Variants in MAF observed in about 807,000 individuals in gnomAD.
The protein encoded by MAF is MAF bZIP transcription factor.
A neutral mutation model predicts 22.0 loss-of-function variants in MAF; 10 were observed. The ratio of observed to expected loss-of-function variants is 0.45; its 90% CI spans 0.28 to 0.77. MAF has a LOEUF of 0.77. MAF is among the 30% of genes least tolerant of loss of function. The pLI is 0.12. For synonymous variants in MAF, 337 were observed against 255.8 expected (o/e 1.32, Z -3.03); for missense variants, 544 against 548.4 (o/e 0.99, Z 0.08).
chr16:79,585,117 A>G (rs4597340), downstream of MAF, among the ~76,000 whole-genome samples: 5,831 of 152,286 alleles, frequency 0.038, 357 homozygotes, highest in African/African-American at 0.13. Context: ...AATACATAAA[A>G]CTATCACACT....
chr16:79,590,708 G>C (rs1364819211), downstream of MAF, among the ~76,000 whole-genome samples: 2 of 151,990 alleles, frequency 1.3e-5, no homozygotes, highest in East Asian at 1.9e-4. Context: ...GAGGTTTTGG[G>C]GGGACTCTGA....
the MAF span, among the ~76,000 whole-genome samples, chr16:79,443,823 T>C: frequency 6.6e-6 from 1 of 152,194 alleles, no homozygotes; most frequent in Non-Finnish European, 1.5e-5. Context: ...CTCACAGGGT[T>C]GCTTGGAGGA....
At chr16:79,212,049 T>A in the MAF span, 4 of 1,536,266 alleles carry the variant, frequency 2.6e-6, no homozygotes, top group South Asian at 4.8e-5. Flanking sequence ...TGTTTGAAAG[T>A]AAAAACCTGC....
rs982723238 is a variant in MAF at position 79,599,187 on chromosome 16, GCGCCCCCGCCGCCTCCGCCGCCGC to G, written c.692_715del (p.Gly231_Gly238del). On this transcript the variant is annotated inframe_deletion, in exon 1 of 2. Coordinates refer to ENST00000326043, the MANE Select transcript of MAF (RefSeq NM_005360.5). ...GTGCAGGGCGCCCCCCGCCCCCGCCGCGCCCCCGCCGCCTCCGCCGCCGCCGCCGCCGCCGCCGCCCCCAGCGCT... is the reference window on the plus strand; with the variant it reads ...GTGCAGGGCGCCCCCCGCCCCCGCCGCGCCGCCGCCGCCGCCCCCAGCGCT... 2.9e-5 allele frequency: 31 copies of G among 1,082,726 alleles called. 1 individual carries two copies. The East Asian group carries it at 3.7e-4, about 13-fold the overall frequency. 67.1% of individuals were successfully genotyped at this position (1,082,726 alleles called of 1,614,324 possible). A position where few individuals can be genotyped will look rare whatever the true frequency, so the allele number is the denominator to read the frequency against.
the MAF span, among the ~76,000 whole-genome samples, chr16:79,559,567 G>A: frequency 6.6e-6 from 1 of 152,098 alleles, no homozygotes; most frequent in African/African-American, 2.4e-5. Flanking sequence ...GGCTTCCACT[G>A]TTTTATTGAC....
At chr16:79,224,080 T>A in the MAF span, among the ~76,000 whole-genome samples, 2 of 152,076 alleles carry the variant, frequency 1.3e-5, no homozygotes, top group Non-Finnish European at 1.5e-5. Flanking sequence ...GAGGCCGATA[T>A]CCCTGATGAA....
chr16:79,309,462 G>A, the MAF span, among the ~76,000 whole-genome samples: 31 of 152,238 alleles, frequency 2.0e-4, no homozygotes, highest in African/African-American at 6.3e-4. Flanking sequence ...GAGAACTTAC[G>A]TTTTCATATT....
At chr16:79,502,716 T>TATATATATATAA in the MAF span, among the ~76,000 whole-genome samples, 8 of 20,578 alleles carry the variant, frequency 3.9e-4, no homozygotes, top group South Asian at 2.8e-3. Context: ...TAAATATATA[T>TATATATATATAA]ATATATATAT....
At chr16:79,249,742 C>T in the MAF span, among the ~76,000 whole-genome samples, 1 of 152,182 alleles carries the variant, frequency 6.6e-6, no homozygotes, top group African/African-American at 2.4e-5. Flanking sequence ...CTGTTCCCCG[C>T]TCCCTCCCTC....
At chr16:79,566,154 CT>C in the MAF span, among the ~76,000 whole-genome samples, 2 of 152,054 alleles carry the variant, frequency 1.3e-5, no homozygotes, top group Non-Finnish European at 2.9e-5. Flanking sequence ...TCATCAGTTT[CT>C]TTTTTTTAAA....
the MAF span, among the ~76,000 whole-genome samples, chr16:79,358,559 G>C: frequency 2.6e-5 from 4 of 152,198 alleles, no homozygotes; most frequent in African/African-American, 9.7e-5. Flanking sequence ...GGAGGCGTGA[G>C]ACTGCAGTGA....
At chr16:79,332,802 G>A in the MAF span, among the ~76,000 whole-genome samples, 6 of 152,202 alleles carry the variant, frequency 3.9e-5, no homozygotes, top group African/African-American at 1.4e-4. Context: ...TAGGCTTTGA[G>A]GGTGACTAAG....
chr16:79,492,119 A>G, the MAF span, among the ~76,000 whole-genome samples: 1 of 152,240 alleles, frequency 6.6e-6, no homozygotes, highest in Non-Finnish European at 1.5e-5. Flanking sequence ...CCTCCATGAG[A>G]TAGAGCAGGC....
At chr16:79,523,386 A>C in the MAF span, among the ~76,000 whole-genome samples, 2 of 152,248 alleles carry the variant, frequency 1.3e-5, no homozygotes, top group African/African-American at 4.8e-5. Context: ...ATAGGAAATG[A>C]GGTTATGTTG....
the MAF span, among the ~76,000 whole-genome samples, chr16:79,267,640 T>C: frequency 6.6e-6 from 1 of 151,642 alleles, no homozygotes; most frequent in Non-Finnish European, 1.5e-5. Context: ...ATGGAGAGAG[T>C]TCTTCAGTCT....
chr16:79,325,828 G>C, the MAF span, among the ~76,000 whole-genome samples: 1 of 152,176 alleles, frequency 6.6e-6, no homozygotes, highest in Admixed American at 6.5e-5. Flanking sequence ...AACATGGCTA[G>C]GAAGGGAACA....
the MAF span, among the ~76,000 whole-genome samples, chr16:79,210,261 C>G: frequency 1.3e-5 from 2 of 152,204 alleles, no homozygotes; most frequent in African/African-American, 4.8e-5. Context: ...ACAACAAACC[C>G]AAGTCTGCCT....
the MAF span, among the ~76,000 whole-genome samples, chr16:79,518,379 GA>G: frequency 6.6e-6 from 1 of 152,346 alleles, no homozygotes; most frequent in Admixed American, 6.5e-5. Flanking sequence ...GCTGGCTGGA[GA>G]AGTCATTAAC....
the MAF span, among the ~76,000 whole-genome samples, chr16:79,546,535 A>G: frequency 6.6e-6 from 1 of 152,208 alleles, no homozygotes; most frequent in Non-Finnish European, 1.5e-5. Flanking sequence ...CACCTATTCC[A>G]TTTCATATAA....
Sources: gnomAD v4.1 joint callset for allele counts (sites outside exome capture counted in the v4.1 genomes callset) on GRCh38, gnomAD v4.1.1 for gene constraint, MANE v1.5 for transcripts, NCBI Gene and HGNC (gene_info 2026-07-23, HGNC 2026-07-21) for gene names.